Variants in UNC13A observed in about 807,000 individuals in gnomAD.
UNC13A encodes the protein protein unc-13 homolog A.
Under a neutral mutation model 219.7 loss-of-function variants are expected in UNC13A, and 61 were observed. The ratio of observed to expected loss-of-function variants is 0.28; its 90% CI spans 0.23 to 0.34. The LOEUF (loss-of-function observed/expected upper bound fraction) is 0.34, where lower values mean the gene tolerates loss of function less well. Among genes scored for constraint, UNC13A ranks in the 10% least tolerant of loss-of-function variants. The pLI, the probability that UNC13A is intolerant of heterozygous loss-of-function variation, is 1.00. For synonymous variants in UNC13A, 920 were observed against 884.6 expected (o/e 1.04, Z -0.71); for missense variants, 1,476 against 2,270.3 (o/e 0.65, Z 7.11).
chr19:17,610,226 G>A, intron 42 of UNC13A, 127 bp from the exon 43 acceptor site: 1 of 1,301,080 alleles, frequency 7.7e-7, no homozygotes, highest in South Asian at 1.3e-5. Context: ...ACCACTTCGG[G>A]AGGCCAAGGC....
chr19:17,606,044 A>C lies in UNC13A; in HGVS notation c.*10T>G, dbSNP rs758556863. 7.8e-5 allele frequency: 118 copies of C among 1,504,764 alleles called. No individual in the cohort carries two copies. Among genetic ancestry groups the C allele is most frequent in the East Asian group, 2.2e-4 (8 of 36,656 alleles). 93.2% of individuals were successfully genotyped at this position (1,504,764 alleles called of 1,614,324 possible). On this transcript the variant is annotated 3_prime_UTR_variant, in exon 44 of 44. Transcript: ENST00000519716. ...GCGCAGGCGCAGTGCCGCTCGGCCG[A>C]CCGCCCGCGCTAAGGCGCAGGCGCG...
intron 39 of UNC13A, 121 bp from the exon 40 acceptor site, chr19:17,618,622 TC>T: frequency 9.9e-7 from 1 of 1,013,884 alleles, no homozygotes; most frequent in Non-Finnish European, 1.5e-6. Context: ...GTTTTCATCA[TC>T]CCAGCACCCA....
rs374475312 is a variant in UNC13A, at chr19:17,648,960, C to T, written c.1548G>A (p.Ala516=). Residue 516 remains alanine, a synonymous_variant, in exon 15 of 44, where the codon GCG becomes GCA. Coordinates refer to ENST00000519716, the MANE Select transcript of UNC13A (RefSeq NM_001080421.3). ...TGGAGGCCAAGGCCGAGGTGATGCC[C>T]GCTTTCCTGGACTGGACCAGGGACT... The part of the protein sequence containing the change: ...LAMSLVQSRK[A]GITSALASST... 4.5e-5 allele frequency: 73 copies of T among 1,604,662 alleles called. No homozygotes were observed. Among genetic ancestry groups the T allele is most frequent in the Non-Finnish European group, 5.7e-5 (67 of 1,176,264 alleles).
chr19:17,668,339 G>A (rs2079703473), intron 5 of UNC13A, 149 bp from the exon 6 acceptor site: 1 of 691,090 alleles, frequency 1.4e-6, no homozygotes, highest in Non-Finnish European at 2.5e-6. Flanking sequence ...TGCGGTCTCA[G>A]GAGGGTGGAT....
In UNC13A at chr19:17,649,125, G is replaced by A. The variant is rs545446812; in HGVS notation, c.1525-142C>T. On this transcript the variant is annotated intron_variant, in intron 14 of 43. Coordinates refer to ENST00000519716, the MANE Select transcript of UNC13A (RefSeq NM_001080421.3). The surrounding 1 kb of genome is among the most constrained non-coding windows in gnomAD (Gnocchi z 4.4). ...TGGAAACAGGTCACCGACAGCATCCGGGCCAGACCCAACAAAGAATTAGGA... is the reference window on the plus strand; with the variant it reads ...TGGAAACAGGTCACCGACAGCATCCAGGCCAGACCCAACAAAGAATTAGGA... 34 of 1,184,826 alleles carry A rather than the reference G, an allele frequency of 2.9e-5. No homozygotes were observed. The East Asian group carries it at 5.1e-4, about 18-fold the overall frequency. 73.4% of individuals were successfully genotyped at this position (1,184,826 alleles called of 1,614,324 possible).
At chr19:17,624,976 G>C in intron 34 of UNC13A, 24 bp from the exon 35 acceptor site, 2 of 1,607,368 alleles carry the variant, frequency 1.2e-6, no homozygotes, top group South Asian at 2.2e-5. Flanking sequence ...GCAGGTCTGA[G>C]AGAGGGCCCA....
chr19:17,679,197 C>T (rs994468558), intron 1 of UNC13A, among the ~76,000 whole-genome samples: 59 of 151,868 alleles, frequency 3.9e-4, no homozygotes, highest in African/African-American at 1.3e-3. Flanking sequence ...GTCAGGAGTT[C>T]GAGACCAGCC....
At chr19:17,626,962 G>A (rs1010324838) in intron 33 of UNC13A, among the ~76,000 whole-genome samples, 177 bp from the exon 34 acceptor site, 3 of 152,214 alleles carry the variant, frequency 2.0e-5, no homozygotes, top group Non-Finnish European at 2.9e-5. Context: ...GGGAGGCCAA[G>A]GCGGGCGGAT....
chr19:17,641,383 G>A lies in UNC13A; in HGVS notation c.2636+10C>T. 6.2e-7 allele frequency: 1 copy of A among 1,612,700 alleles called. No individual in the cohort carries two copies. Among genetic ancestry groups the A allele is most frequent in the Non-Finnish European group, 8.5e-7 (1 of 1,178,960 alleles). ...CCTCTTGTTTCCTGCACCCCAGCCT[G>A]CAGTCTCACGTCATGGCTTGGTAGA... is the stretch of plus-strand genomic sequence containing the variant. On this transcript the variant is annotated intron_variant, in intron 21 of 43. Transcript: ENST00000519716.
At chr19:17,625,068 A>T (rs1568508224) in intron 34 of UNC13A, 116 bp from the exon 35 acceptor site, 34 of 1,465,692 alleles carry the variant, frequency 2.3e-5, no homozygotes, top group Non-Finnish European at 3.1e-5. Flanking sequence ...CACAGCCTGT[A>T]CAGGGACCCC....
intron 1 of UNC13A, among the ~76,000 whole-genome samples, chr19:17,679,532 G>A (rs910926612): frequency 6.6e-6 from 1 of 151,630 alleles, no homozygotes; most frequent in African/African-American, 2.4e-5. Context: ...ATGCATATGG[G>A]GGTGGGAAAG....
chr19:17,616,388 C>T (rs1599831637), intron 41 of UNC13A: 1 of 587,130 alleles, frequency 1.7e-6, no homozygotes, highest in Non-Finnish European at 3.2e-6. Flanking sequence ...GGGCGGCGGG[C>T]GGGAGGCGGA....
Position 17,627,480 on chromosome 19 carries a change from A to G in UNC13A, c.3920+29T>C, listed in dbSNP as rs995495140. The G allele has an allele frequency of 2.6e-6, 4 of 1,536,226 alleles. No homozygotes were observed. In the Admixed American group the frequency reaches 5.9e-5, roughly 23 times the overall value. ...GAGGGCTGAAGGCTGTTCCCTCCCC[A>G]CTGCCCCCAGCCCTGGAGATGCTCC... On this transcript the variant is annotated intron_variant, in intron 33 of 43. Transcript: ENST00000519716. This position sits in a 1 kb window ranked among gnomAD's most constrained non-coding sequence, Gnocchi z 4.7.
intron 41 of UNC13A, chr19:17,616,284 G>A: frequency 1.7e-6 from 1 of 582,326 alleles, no homozygotes; most frequent in Non-Finnish European, 3.1e-6. Flanking sequence ...AAGCCGCTCA[G>A]GCCTGGGCGG....
At chr19:17,662,732 A>G (rs867554519) in intron 8 of UNC13A, among the ~76,000 whole-genome samples, 5 of 152,102 alleles carry the variant, frequency 3.3e-5, no homozygotes, top group African/African-American at 1.2e-4. Flanking sequence ...CCTCCTGGCT[A>G]ACACGGTGAA....
At chr19:17,632,578 TG>T (rs1257432468) in intron 28 of UNC13A, among the ~76,000 whole-genome samples, 1 of 116,036 alleles carries the variant, frequency 8.6e-6, no homozygotes, top group African/African-American at 3.4e-5. Flanking sequence ...GAAAGTCACA[TG>T]GTTCCTGTTG....
At chr19:17,676,407 T>G (rs1276726522) in intron 1 of UNC13A, among the ~76,000 whole-genome samples, 1 of 151,686 alleles carries the variant, frequency 6.6e-6, no homozygotes, top group Non-Finnish European at 1.5e-5. Context: ...CTCCCCAAGC[T>G]CCCAACTAGC....
chr19:17,635,266 G>T (rs888728679), intron 26 of UNC13A, among the ~76,000 whole-genome samples: 1 of 152,152 alleles, frequency 6.6e-6, no homozygotes, highest in Non-Finnish European at 1.5e-5. Context: ...CTCCCAAAGT[G>T]CTGGGATTAC....
chr19:17,684,984 C>G (rs1034196595), intron 1 of UNC13A, among the ~76,000 whole-genome samples: 1 of 152,160 alleles, frequency 6.6e-6, no homozygotes, highest in African/African-American at 2.4e-5. Flanking sequence ...CATGTATGCA[C>G]TTGTGTGCAA....
Sources: allele counts gnomAD v4.1 joint callset (sites outside exome capture counted in the v4.1 genomes callset), GRCh38; gene constraint gnomAD v4.1.1; non-coding constraint Gnocchi (gnomAD v3.1); transcripts MANE v1.5; gene names NCBI Gene and HGNC (gene_info 2026-07-23, HGNC 2026-07-21).